Variants in TLE7 observed in about 807,000 individuals in gnomAD.
The protein encoded by TLE7 is TLE family member 7.
chr16:71,437,805 C>G (rs1172785683), intron 1 of TLE7, among the ~76,000 whole-genome samples: 1 of 152,178 alleles, frequency 6.6e-6, no homozygotes, highest in Non-Finnish European at 1.5e-5. Flanking sequence ...CCTGAGATGG[C>G]TGCTACTTAC....
Position 71,432,254 on chromosome 16 carries a change from G to A in TLE7, c.465C>T (p.Leu155=). Residue 155 remains leucine (L), a synonymous_variant, in exon 5 of 10, where the codon CTC becomes CTT. Transcript: ENST00000561754. ...APQGSWKVGT[L]FHGKRVYAVA... ...CAGCGTAGACTCTCTTTCCATGGAA[G>A]AGTGTGCCAACCTTCCAGGAGCCCT... 1 of 400,868 alleles carries A rather than the reference G, an allele frequency of 2.5e-6. No homozygotes were observed. The highest frequency in any genetic ancestry group is 4.4e-6 in the Non-Finnish European group (1 of 226,276). 24.8% of individuals were successfully genotyped at this position (400,868 alleles called of 1,614,324 possible).
intron 2 of TLE7, 51 bp from the exon 3 acceptor site, chr16:71,432,943 C>G (rs963525524): frequency 2.5e-6 from 1 of 399,250 alleles, no homozygotes; most frequent in South Asian, 1.3e-4. Flanking sequence ...AGCCACAGAG[C>G]TTCCTGCTGG....
At chr16:71,438,523 T>C (rs893101141) in intron 1 of TLE7, among the ~76,000 whole-genome samples, 17 of 150,036 alleles carry the variant, frequency 1.1e-4, no homozygotes, top group East Asian at 5.9e-4. Context: ...ATGTGCAGAT[T>C]GCTTGCTAAA....
At chr16:71,437,666 G>A (rs945151582) in intron 1 of TLE7, among the ~76,000 whole-genome samples, 2 of 152,106 alleles carry the variant, frequency 1.3e-5, no homozygotes, top group African/African-American at 4.8e-5. Flanking sequence ...TGATGAAGCT[G>A]GACCCCTTTC....
chr16:71,432,212 T>C lies in TLE7; in HGVS notation c.507A>G (p.Ser169=). 1 of 400,862 alleles carries C rather than the reference T, an allele frequency of 2.5e-6. No homozygotes were observed. Among genetic ancestry groups the C allele is most frequent in the Non-Finnish European group, 4.4e-6 (1 of 226,288 alleles). 24.8% of individuals were successfully genotyped at this position (400,862 alleles called of 1,614,324 possible). The change falls in exon 5 of 10, where the codon TCA becomes TCG. Residue 169 remains serine (S), a synonymous_variant. Coordinates refer to ENST00000561754, the MANE Select transcript of TLE7 (RefSeq NM_001367365.2). ...AGCCACACGTGTACACGTGGTGGGTTGAGCCGCTGATGGCCACAGCGTAGA... is the reference window on the plus strand; with the variant it reads ...AGCCACACGTGTACACGTGGTGGGTCGAGCCGCTGATGGCCACAGCGTAGA... The part of the protein sequence containing the change: ...KRVYAVAISG[S]THHVYTCGSG...
chr16:71,439,181 G>C (rs932570538), intron 1 of TLE7, among the ~76,000 whole-genome samples: 1 of 152,220 alleles, frequency 6.6e-6, no homozygotes, highest in Non-Finnish European at 1.5e-5. Context: ...AGAGTGGAAA[G>C]TGACATGGTG....
At position 71,431,665 on chromosome 16, in the gene TLE7, C is replaced by G. The variant is rs921351946; in HGVS notation, c.851+96G>C. The stretch of plus-strand genomic sequence containing the variant: ...AGGAGTACCCCAGATATATCTTCTA[C>G]ACTGACTCGCCCAGCCCTAATGCAA... On this transcript the variant is annotated intron_variant, in intron 6 of 9. Transcript: ENST00000561754. This position sits in a 1 kb window ranked among gnomAD's most constrained non-coding sequence, Gnocchi z 4.5. 7.5e-6 allele frequency: 3 copies of G among 400,268 alleles called. No individual in the cohort carries two copies. Among genetic ancestry groups the G allele is most frequent in the Non-Finnish European group, 1.3e-5 (3 of 226,324 alleles). The allele number at this position is 400,268 out of a possible 1,614,324, so 24.8% of individuals were successfully genotyped here. A position where few individuals can be genotyped will look rare whatever the true frequency, so the allele number is the denominator to read the frequency against.
At chr16:71,437,473 A>G (rs1453009423) in intron 1 of TLE7, among the ~76,000 whole-genome samples, 1 of 151,260 alleles carries the variant, frequency 6.6e-6, no homozygotes, top group Non-Finnish European at 1.5e-5. Flanking sequence ...AGAAGAGAAG[A>G]GAAGAGAAGA....
intron 1 of TLE7, among the ~76,000 whole-genome samples, chr16:71,437,545 CGATGTGTTGGTGATGCTGTTGCTGCTG>C (rs766577477): frequency 0.082 from 12,426 of 152,070 alleles, 615 homozygotes; most frequent in Middle Eastern, 0.16. Flanking sequence ...AACAAGTTCC[CGATGTGTTGGTGATGCTGTTGCTGCTG>C]CCACCAGGCT....
In TLE7 at chr16:71,431,534, G is replaced by C; in HGVS notation, c.880C>G (p.Arg294Gly). 7.5e-6 allele frequency: 3 copies of C among 400,720 alleles called. No homozygotes were observed. The highest frequency in any genetic ancestry group is 1.3e-5 in the Non-Finnish European group (3 of 226,236). The allele number at this position is 400,720 out of a possible 1,614,324, so 24.8% of individuals were successfully genotyped here. A position where few individuals can be genotyped will look rare whatever the true frequency, so the allele number is the denominator to read the frequency against. ...ATATTGCCGGTGATGTCCACACATC[G>C]GGACCCGTATACAGGAACTTCGTGC... ...RKHEVPVYGS[R>G]CVDITGNIFW... is the part of the protein sequence containing the mutation. The change falls in exon 7 of 10, where the codon CGA becomes GGA. Residue 294 changes from arginine to glycine, a missense_variant. Coordinates refer to ENST00000561754, the MANE Select transcript of TLE7 (RefSeq NM_001367365.2). This position sits in a 1 kb window ranked among gnomAD's most constrained non-coding sequence, Gnocchi z 4.5.
rs141925951 is a variant in TLE7, at chr16:71,436,633, C to T, written c.-96-3213G>A. ...GTTGAGTTGAGCTGTTCGCCAGAGC[C>T]AAGAGTCAGAGTCTCAGCTCCAGGT... On this transcript the variant is annotated intron_variant, in intron 1 of 9. Coordinates refer to ENST00000561754, the MANE Select transcript of TLE7 (RefSeq NM_001367365.2). 5.3e-3 allele frequency among the ~76,000 whole-genome samples: 800 copies of T among 152,336 alleles called. 4 individuals carry two copies. The highest frequency in any genetic ancestry group is 8.6e-3 in the Non-Finnish European group (583 of 68,026).
At chr16:71,441,225 G>T (rs996185288) in intron 1 of TLE7, among the ~76,000 whole-genome samples, 1 of 152,184 alleles carries the variant, frequency 6.6e-6, no homozygotes, top group Non-Finnish European at 1.5e-5. Flanking sequence ...GATTTCACTC[G>T]ATTTATTTTG....
Position 71,430,181 on chromosome 16 carries a change from G to A in TLE7, c.*81C>T, listed in dbSNP as rs996001357. ...AGAGGAGATGGCAGGTGTTAGAGGT[G>A]TCCAGCACTCTGAAGCCATCCTCAC... On this transcript the variant is annotated 3_prime_UTR_variant, in exon 10 of 10. Transcript: ENST00000561754. The A allele has an allele frequency of 1.0e-5, 4 of 397,978 alleles. No individual in the cohort carries two copies. Among genetic ancestry groups the A allele is most frequent in the African/African-American group, 4.1e-5 (2 of 48,628 alleles). 24.7% of individuals were successfully genotyped at this position (397,978 alleles called of 1,614,324 possible). A position where few individuals can be genotyped will look rare whatever the true frequency, so the allele number is the denominator to read the frequency against.
In TLE7 at chr16:71,432,738, C is replaced by T. The variant is rs1038102265; in HGVS notation, c.335-15G>A. Reference sequence around the variant, plus strand: ...GTAAGGCTGGCCTGCAGGGAAAGAGCAATGCCCACCTGCTCACAGAGTCCC... The same window carrying T: ...GTAAGGCTGGCCTGCAGGGAAAGAGTAATGCCCACCTGCTCACAGAGTCCC... On this transcript the variant is annotated splice_polypyrimidine_tract_variant and intron_variant, in intron 3 of 9. Coordinates refer to ENST00000561754, the MANE Select transcript of TLE7 (RefSeq NM_001367365.2). The T allele has an allele frequency of 1.3e-4, 50 of 398,574 alleles. No individual in the cohort carries two copies. Among genetic ancestry groups the T allele is most frequent in the African/African-American group, 8.8e-4 (43 of 48,604 alleles). 24.7% of individuals were successfully genotyped at this position (398,574 alleles called of 1,614,324 possible).
rs2042804117 is a variant in TLE7 at position 71,431,656 on chromosome 16, T to C, written c.852-94A>G. ...GAAGCCCCTAGGAGTACCCCAGATA[T>C]ATCTTCTACACTGACTCGCCCAGCC... is the stretch of plus-strand genomic sequence containing the variant. On this transcript the variant is annotated intron_variant, in intron 6 of 9. Coordinates refer to ENST00000561754, the MANE Select transcript of TLE7 (RefSeq NM_001367365.2). The surrounding 1 kb of genome is among the most constrained non-coding windows in gnomAD (Gnocchi z 4.5). The C allele has an allele frequency of 2.5e-6, 1 of 400,094 alleles. No homozygotes were observed. The highest frequency in any genetic ancestry group is 2.1e-5 in the African/African-American group (1 of 48,610). The allele number at this position is 400,094 out of a possible 1,614,324, so 24.8% of individuals were successfully genotyped here.
chr16:71,434,530 C>CT (rs2042818941), intron 1 of TLE7, among the ~76,000 whole-genome samples: 1 of 152,198 alleles, frequency 6.6e-6, no homozygotes, highest in African/African-American at 2.4e-5. Context: ...CCCACGAACT[C>CT]TATGGCAAGC....
At chr16:71,435,267 C>G (rs938258753) in intron 1 of TLE7, among the ~76,000 whole-genome samples, 15 of 152,142 alleles carry the variant, frequency 9.9e-5, no homozygotes, top group African/African-American at 3.6e-4. Flanking sequence ...AAAAATTAGC[C>G]AGGTGTGGTG....
intron 1 of TLE7, among the ~76,000 whole-genome samples, chr16:71,436,846 C>T (rs954442419): frequency 2.0e-5 from 3 of 152,216 alleles, no homozygotes; most frequent in Non-Finnish European, 2.9e-5. Flanking sequence ...TCGTGGCTGT[C>T]TCAGCCAGTG....
chr16:71,438,412 G>A (rs1257623417), intron 1 of TLE7, among the ~76,000 whole-genome samples: 8 of 108,314 alleles, frequency 7.4e-5, no homozygotes, highest in Non-Finnish European at 1.4e-4. Context: ...GTGACAGAAC[G>A]AGACTCCATC....
Sources: gnomAD v4.1 joint callset for allele counts (sites outside exome capture counted in the v4.1 genomes callset) on GRCh38, gnomAD v4.1.1 for gene constraint, Gnocchi (gnomAD v3.1) non-coding constraint, MANE v1.5 for transcripts, NCBI Gene and HGNC (gene_info 2026-07-23, HGNC 2026-07-21) for gene names.